Variants in GABRG1 observed in about 807,000 individuals in gnomAD.
GABRG1 encodes the protein gamma-aminobutyric acid receptor subunit gamma-1.
GABRG1 carries 49 observed loss-of-function variants against 49.8 expected under a neutral mutation model. The observed-to-expected ratio is 0.98, with a 90% CI of 0.78 to 1.25. The LOEUF (loss-of-function observed/expected upper bound fraction) is 1.25, where lower values mean the gene tolerates loss of function less well. Among genes scored for constraint, GABRG1 ranks in the 50% most tolerant of loss-of-function variants. The pLI is 0.00. For missense variants in GABRG1, 552 were observed against 552.3 expected (o/e 1.00, Z 0.01); for synonymous variants, 232 against 185.1 (o/e 1.25, Z -2.06).
chr4:46,083,649 T>C (rs535606738), intron 3 of GABRG1, among the ~76,000 whole-genome samples: 1 of 151,718 alleles, frequency 6.6e-6, no homozygotes, highest in African/African-American at 2.4e-5. Flanking sequence ...TGCCAGTAAG[T>C]CTTTTTTTTC....
chr4:46,064,450 AT>A lies in GABRG1; in HGVS notation c.615del (p.Glu205AspfsTer21), dbSNP rs1718830679. 1 of 1,519,750 alleles carries A rather than the reference AT, an allele frequency of 6.6e-7. No homozygotes were observed. Among genetic ancestry groups the A allele is most frequent in the Non-Finnish European group, 8.8e-7 (1 of 1,132,354 alleles). The allele number at this position is 1,519,750 out of a possible 1,614,324, so 94.1% of individuals were successfully genotyped here. On this transcript the variant is annotated frameshift_variant, in exon 5 of 9. Transcript: ENST00000295452. LOFTEE classifies it high-confidence loss of function. ...GTGTTTTGTTACTTACAGCTTGAAAATTCCAGTGGACAGGAATGTTCATCCA... is the reference window on the plus strand; with the variant it reads ...GTGTTTTGTTACTTACAGCTTGAAAATCCAGTGGACAGGAATGTTCATCCA... ...FPMDEHSCPL[E>X]FSSYGYPKNE... is the part of the protein sequence containing the mutation.
At chr4:46,056,816 G>T (rs1718468981) in intron 7 of GABRG1, among the ~76,000 whole-genome samples, 1 of 151,950 alleles carries the variant, frequency 6.6e-6, no homozygotes, top group South Asian at 2.1e-4. Flanking sequence ...CTATCTTAGG[G>T]TCCACAATTA....
At chr4:46,121,820 T>C (rs1181290153) in intron 1 of GABRG1, among the ~76,000 whole-genome samples, 1 of 152,064 alleles carries the variant, frequency 6.6e-6, no homozygotes, top group African/African-American at 2.4e-5. Context: ...GACAAAATAA[T>C]CCAGGTTATC....
intron 1 of GABRG1, among the ~76,000 whole-genome samples, chr4:46,117,780 A>G (rs1268636790): frequency 7.1e-6 from 1 of 141,304 alleles, no homozygotes; most frequent in Non-Finnish European, 1.5e-5. Flanking sequence ...ATATATACAT[A>G]CATGTATATA....
Position 46,081,508 on chromosome 4 carries a change from G to A in GABRG1, c.321+2478C>T, listed in dbSNP as rs909074732. Among the ~76,000 whole-genome samples, 4 of 151,830 alleles carry A rather than the reference G, an allele frequency of 2.6e-5. No individual in the cohort carries two copies. The Admixed American group carries it at 2.6e-4, about 10-fold the overall frequency. ...ATTGAGTAGGAGAAAAACTGAGTGT[G>A]ACTGTCACACCAAAGGAGTAAGCAG... On this transcript the variant is annotated intron_variant, in intron 3 of 8. Transcript: ENST00000295452.
At chr4:46,117,578 C>CTCTTTCTG (rs1553884374) in intron 1 of GABRG1, among the ~76,000 whole-genome samples, 1 of 143,398 alleles carries the variant, frequency 7.0e-6, no homozygotes, top group Non-Finnish European at 1.5e-5. Flanking sequence ...CTCTCTCTCT[C>CTCTTTCTG]TCTGTCTCTC....
intron 1 of GABRG1, among the ~76,000 whole-genome samples, chr4:46,105,801 A>ATGGATGGG (rs796551855): frequency 4.3e-5 from 6 of 139,410 alleles, no homozygotes; most frequent in South Asian, 2.2e-4. Context: ...TGATAGATAG[A>ATGGATGGG]TAGATAGATA....
At chr4:46,121,162 CA>C (rs201480854) in intron 1 of GABRG1, among the ~76,000 whole-genome samples, 2 of 151,212 alleles carry the variant, frequency 1.3e-5, no homozygotes, top group Non-Finnish European at 3.0e-5. Context: ...TGATTAAATA[CA>C]AAAAAAATGC....
At chr4:46,098,974 A>T (rs973677073) in intron 1 of GABRG1, among the ~76,000 whole-genome samples, 1 of 151,692 alleles carries the variant, frequency 6.6e-6, no homozygotes, top group Non-Finnish European at 1.5e-5. Flanking sequence ...ATATTGCCAT[A>T]AAAAATTTTT....
chr4:46,091,681 G>A (rs773302039), intron 2 of GABRG1, among the ~76,000 whole-genome samples: 4 of 151,946 alleles, frequency 2.6e-5, no homozygotes, highest in Non-Finnish European at 5.9e-5. Context: ...TTATAGAAGA[G>A]CGTATGAGAT....
chr4:46,102,581 G>A (rs1404577546), intron 1 of GABRG1, among the ~76,000 whole-genome samples: 1 of 150,456 alleles, frequency 6.6e-6, no homozygotes, highest in African/African-American at 2.5e-5. Context: ...AGGCCATCTT[G>A]ACATCTGTTT....
rs1717682863 is a variant in GABRG1, at chr4:46,039,744, C to T, written c.*1244G>A. On this transcript the variant is annotated 3_prime_UTR_variant, in exon 9 of 9. Coordinates refer to ENST00000295452, the MANE Select transcript of GABRG1 (RefSeq NM_173536.4). The stretch of plus-strand genomic sequence containing the variant: ...TAAAACTATTAACTGATAGATTTTA[C>T]ATCCAGTGAGATGCTAAGAATTTAG... The T allele has an allele frequency of 6.6e-6, 1 of 151,656 alleles. No homozygotes were observed. The highest frequency in any genetic ancestry group is 1.5e-5 in the Non-Finnish European group (1 of 67,766). 9.4% of individuals were successfully genotyped at this position (151,656 alleles called of 1,614,324 possible).
At chr4:46,085,483 G>A (rs767568632) in intron 2 of GABRG1, among the ~76,000 whole-genome samples, 15 of 151,506 alleles carry the variant, frequency 9.9e-5, no homozygotes, top group Non-Finnish European at 1.8e-4. Flanking sequence ...GTTAACAATT[G>A]TTAAATATGT....
intron 7 of GABRG1, among the ~76,000 whole-genome samples, chr4:46,053,687 G>C (rs1400770418): frequency 1.3e-5 from 2 of 151,748 alleles, no homozygotes; most frequent in Admixed American, 1.3e-4. Context: ...CCAATGTGTG[G>C]TTTCATTTTG....
At chr4:46,114,623 C>T (rs7664344) in intron 1 of GABRG1, among the ~76,000 whole-genome samples, 2,906 of 150,768 alleles carry the variant, frequency 0.019, 98 homozygotes, top group African/African-American at 0.066. Flanking sequence ...ATAGTTTGTG[C>T]CCAATTTAAT....
intron 4 of GABRG1, among the ~76,000 whole-genome samples, 182 bp from the exon 5 acceptor site, chr4:46,064,705 A>G (rs1374328965): frequency 6.6e-6 from 1 of 152,080 alleles, no homozygotes; most frequent in East Asian, 1.9e-4. Context: ...TTTATATATG[A>G]CAGAATTCTA....
chr4:46,110,224 A>T (rs1448285986), intron 1 of GABRG1, among the ~76,000 whole-genome samples: 2 of 151,072 alleles, frequency 1.3e-5, no homozygotes, highest in Non-Finnish European at 3.0e-5. Context: ...ATTTAAGATA[A>T]CTGAGTCTTC....
chr4:46,116,656 C>T (rs921364224), intron 1 of GABRG1, among the ~76,000 whole-genome samples: 2 of 150,732 alleles, frequency 1.3e-5, no homozygotes, highest in Non-Finnish European at 3.0e-5. Flanking sequence ...TTGTCTTAGA[C>T]TATTCACTTC....
At chr4:46,074,046 A>G (rs1282635933) in intron 3 of GABRG1, among the ~76,000 whole-genome samples, 1 of 152,170 alleles carries the variant, frequency 6.6e-6, no homozygotes, top group Non-Finnish European at 1.5e-5. Flanking sequence ...TCTCTGTGAC[A>G]AATGATTGAT....
Sources: allele counts gnomAD v4.1 joint callset (sites outside exome capture counted in the v4.1 genomes callset), GRCh38; gene constraint gnomAD v4.1.1; transcripts MANE v1.5; gene names NCBI Gene and HGNC (gene_info 2026-07-23, HGNC 2026-07-21).